Variants in SDK1 observed in about 807,000 individuals in gnomAD.
The protein encoded by SDK1 is protein sidekick-1.
In SDK1, 157 loss-of-function variants were observed where a neutral mutation model predicts 245.5. The ratio of observed to expected loss-of-function variants is 0.64; its 90% confidence interval spans 0.56 to 0.73. The LOEUF (loss-of-function observed/expected upper bound fraction) is 0.73, where lower values mean the gene tolerates loss of function less well. SDK1 is among the 30% of genes least tolerant of loss of function. The probability of loss-of-function intolerance (pLI) is 0.00; values close to 1 mark genes in which losing one functional copy is unlikely to be tolerated. For missense variants in SDK1, 3,583 were observed against 3,002.3 expected, an observed-to-expected ratio of 1.19 and a Z score of -4.52; for synonymous variants, 1,647 against 1,278.5, an observed-to-expected ratio of 1.29 and a Z score of -6.15.
chr7:3,381,767 A>G (rs778610759), intron 1 of SDK1, among the ~76,000 whole-genome samples: 1 of 152,182 alleles, frequency 6.6e-6, no homozygotes, highest in Non-Finnish European at 1.5e-5. Flanking sequence ...CAGAAATTCT[A>G]GAGAGCATGA....
intron 4 of SDK1, among the ~76,000 whole-genome samples, chr7:3,659,822 G>A (rs904839445): frequency 8.5e-5 from 13 of 152,214 alleles, no homozygotes; most frequent in Non-Finnish European, 1.3e-4. Context: ...GGTGGATGAC[G>A]TGGAGAAAAG....
chr7:3,397,643 G>A lies in SDK1; in HGVS notation c.298+95759G>A, dbSNP rs79104713. Among the ~76,000 whole-genome samples, 309 of 151,902 alleles carry A rather than the reference G, an allele frequency of 2.0e-3. 1 individual carries two copies. The highest frequency in any genetic ancestry group is 7.1e-3 in the African/African-American group (293 of 41,462). On this transcript the variant is annotated intron_variant, in intron 1 of 44. Transcript: ENST00000404826. ...CTTTGAACATTTTGTCTTAATGTGT[G>A]TTTGACTCTTTGAGTTACCCTATTT...
intron 5 of SDK1, among the ~76,000 whole-genome samples, chr7:3,915,829 C>T (rs960183408): frequency 1.3e-5 from 2 of 152,160 alleles, no homozygotes; most frequent in Non-Finnish European, 2.9e-5. Context: ...CCACTGTATC[C>T]AAAACCTGGC....
At chr7:3,799,649 G>A (rs1435982725) in intron 4 of SDK1, among the ~76,000 whole-genome samples, 1 of 145,040 alleles carries the variant, frequency 6.9e-6, no homozygotes, top group Non-Finnish European at 1.5e-5. Flanking sequence ...GGTTTGCAGT[G>A]AGCCAAAATC....
chr7:3,536,373 G>T (rs1583137737), intron 1 of SDK1, among the ~76,000 whole-genome samples: 1 of 151,960 alleles, frequency 6.6e-6, no homozygotes, highest in African/African-American at 2.4e-5. Flanking sequence ...GCCACTAGCA[G>T]AATAATTTTT....
At chr7:3,653,552 G>A (rs947956540) in intron 4 of SDK1, among the ~76,000 whole-genome samples, 1 of 152,122 alleles carries the variant, frequency 6.6e-6, no homozygotes, top group African/African-American at 2.4e-5. Flanking sequence ...AGAAGCCAGT[G>A]GAGGAAGGTA....
intron 4 of SDK1, among the ~76,000 whole-genome samples, chr7:3,786,941 G>C (rs1310705203): frequency 6.6e-6 from 1 of 151,908 alleles, no homozygotes; most frequent in African/African-American, 2.4e-5. Flanking sequence ...ATCTTTTTCA[G>C]ATATCAAAGC....
intron 14 of SDK1, among the ~76,000 whole-genome samples, chr7:3,993,519 T>A (rs767212167): frequency 1.3e-5 from 2 of 152,232 alleles, no homozygotes; most frequent in Admixed American, 6.5e-5. Context: ...TACCTTGTAA[T>A]ATTTAAATTT....
chr7:3,583,236 G>C (rs761670129), intron 1 of SDK1, among the ~76,000 whole-genome samples: 2 of 152,140 alleles, frequency 1.3e-5, no homozygotes, highest in African/African-American at 2.4e-5. Context: ...ATGTAAATTT[G>C]GCAGTTCCTG....
In SDK1 at chr7:4,017,221, G is replaced by T. The variant is rs750881714; in HGVS notation, c.2471G>T (p.Ser824Ile). The T allele has an allele frequency of 6.2e-7, 1 of 1,614,056 alleles. No homozygotes were observed. The highest frequency in any genetic ancestry group is 8.5e-7 in the Non-Finnish European group (1 of 1,179,976). ...GAGTACCAGCAGCGGAACATCACCA[G>T]CCCGGAGGTGAACTACTGCCTGGTG... The part of the protein sequence containing the change: ...PGEYQQRNIT[S>I]PEVNYCLVTD... The change falls in exon 17 of 45, where the codon AGC becomes ATC. Residue 824 changes from serine to isoleucine, a missense_variant. Coordinates refer to ENST00000404826, the MANE Select transcript of SDK1 (RefSeq NM_152744.4).
intron 7 of SDK1, among the ~76,000 whole-genome samples, chr7:3,954,745 A>G (rs1484991114): frequency 1.3e-5 from 2 of 149,266 alleles, no homozygotes; most frequent in Non-Finnish European, 3.0e-5. Flanking sequence ...TAAAATGGAG[A>G]TGGATGTAGA....
At position 3,450,518 on chromosome 7, in the gene SDK1, T is replaced by G. The variant is rs529786732; in HGVS notation, c.298+148634T>G. On this transcript the variant is annotated intron_variant, in intron 1 of 44. Transcript: ENST00000404826. Reference sequence around the variant, plus strand: ...ATAAAGGAAGGGAAGGGGTCTAGGATGATACGTAGATTTCTAGTTTGGAAC... The same window carrying G: ...ATAAAGGAAGGGAAGGGGTCTAGGAGGATACGTAGATTTCTAGTTTGGAAC... Among the ~76,000 whole-genome samples, 13 of 152,290 alleles carry G rather than the reference T, an allele frequency of 8.5e-5. 1 individual carries two copies. Among genetic ancestry groups the G allele is most frequent in the Middle Eastern group, 6.8e-3 (2 of 294 alleles).
At chr7:3,313,512 AGGTACAGATTGT>A (rs1779597510) in intron 1 of SDK1, among the ~76,000 whole-genome samples, 1 of 152,248 alleles carries the variant, frequency 6.6e-6, no homozygotes, top group Non-Finnish European at 1.5e-5. Flanking sequence ...CCCAGGAGTG[AGGTACAGATTGT>A]AAAGTGCTAA....
intron 1 of SDK1, among the ~76,000 whole-genome samples, chr7:3,358,312 A>G (rs927297618): frequency 2.0e-5 from 3 of 152,136 alleles, no homozygotes; most frequent in Non-Finnish European, 4.4e-5. Context: ...ATGGACCACC[A>G]TGCCCAGCCC....
chr7:3,969,360 C>T lies in SDK1; in HGVS notation c.1650C>T (p.Asn550=), dbSNP rs770131225. 1.7e-5 allele frequency: 27 copies of T among 1,611,530 alleles called. No individual in the cohort carries two copies. In the Admixed American group the frequency reaches 4.5e-4, roughly 27 times the overall value. The change falls in exon 11 of 45, where the codon AAC becomes AAT. Residue 550 remains asparagine, a synonymous_variant. Transcript: ENST00000404826. ...CCGTCTTCATCCAGGATGCCGGCAA[C>T]TACACCTGCTATGCGGCCAACACAG... ...IAPVFIQDAG[N]YTCYAANTEG...
At chr7:3,457,536 C>T (rs930925825) in intron 1 of SDK1, among the ~76,000 whole-genome samples, 4 of 152,130 alleles carry the variant, frequency 2.6e-5, no homozygotes, top group Non-Finnish European at 5.9e-5. Context: ...ATACAGCATA[C>T]GATGAGGATA....
chr7:3,568,699 G>T (rs1334241246), intron 1 of SDK1, among the ~76,000 whole-genome samples: 4 of 152,156 alleles, frequency 2.6e-5, no homozygotes, highest in African/African-American at 9.7e-5. Flanking sequence ...GACTCTTTCT[G>T]TGGTGACAGA....
intron 5 of SDK1, among the ~76,000 whole-genome samples, chr7:3,908,942 C>G (rs541709784): frequency 1.3e-5 from 2 of 151,742 alleles, no homozygotes; most frequent in Non-Finnish European, 2.9e-5. Context: ...GTGGGTGACA[C>G]TGGAGTTGGG....
intron 1 of SDK1, among the ~76,000 whole-genome samples, chr7:3,587,050 C>T (rs555130024): frequency 3.2e-4 from 49 of 152,296 alleles, no homozygotes; most frequent in African/African-American, 9.1e-4. Flanking sequence ...GACATCTGGG[C>T]TTTGGGCTGA....
Sources: gnomAD v4.1 joint callset for allele counts (sites outside exome capture counted in the v4.1 genomes callset) on GRCh38, gnomAD v4.1.1 for gene constraint, MANE v1.5 for transcripts, NCBI Gene and HGNC (gene_info 2026-07-23, HGNC 2026-07-21) for gene names.